ATAT1: variants seen among roughly 807,000 people sequenced by gnomAD.
ATAT1 encodes alpha tubulin acetyltransferase 1.
A neutral mutation model predicts 57.2 loss-of-function variants in ATAT1; 42 were observed. The ratio of observed to expected loss-of-function variants is 0.73; its 90% confidence interval spans 0.57 to 0.95. ATAT1 has a LOEUF of 0.95. ATAT1 is among the 40% of genes least tolerant of loss of function. The pLI is 0.00. For missense variants in ATAT1, 454 were observed against 523.7 expected (o/e 0.87, Z 1.30); for synonymous variants, 168 against 187.1 (o/e 0.90, Z 0.83).
At chr6:30,628,512 A>G in intron 6 of ATAT1, 82 bp downstream of exon 6, 1 of 1,136,716 alleles carries the variant, frequency 8.8e-7, no homozygotes, top group Non-Finnish European at 1.3e-6. Context: ...GTAGTGACTT[A>G]TTTCCTATCA....
In ATAT1 at chr6:30,645,950, G is replaced by A. The variant is rs2127561115; in HGVS notation, c.988G>A (p.Val330Met). Residue 330 changes from valine (V) to methionine (M), a missense_variant, in exon 11 of 13, where the codon GTG becomes ATG. By Grantham distance (21) the Val-to-Met change is conservative. This residue lies in a region of ATAT1 where 216 missense variants were observed against 222.2 expected (regional missense o/e 0.97). Transcript: ENST00000330083. ...CTGCTGCTACAGCCGCCATGGGGGG[G>A]TGAATTCCTCATCCCCCAATACAGG... 4.5e-6 allele frequency: 7 copies of A among 1,542,984 alleles called. No homozygotes were observed. Among genetic ancestry groups the A allele is most frequent in the East Asian group, 2.3e-5 (1 of 43,146 alleles).
intron 8 of ATAT1, chr6:30,641,771 T>C (rs1047560995): frequency 3.9e-6 from 4 of 1,015,660 alleles, no homozygotes; most frequent in Non-Finnish European, 4.7e-6. Context: ...ACCAAGGGCT[T>C]TGTCCATCTC....
intron 6 of ATAT1, among the ~76,000 whole-genome samples, chr6:30,629,153 C>A (rs2127485071): frequency 6.6e-6 from 1 of 152,220 alleles, no homozygotes; most frequent in East Asian, 1.9e-4. Context: ...CCTGCCTCAG[C>A]CTCCCAAAGT....
intron 6 of ATAT1, among the ~76,000 whole-genome samples, chr6:30,636,347 G>A (rs778933729): frequency 4.6e-5 from 7 of 152,122 alleles, no homozygotes; most frequent in Non-Finnish European, 1.0e-4. Context: ...CACTTTGGGA[G>A]GCCAAGGTAG....
intron 6 of ATAT1, among the ~76,000 whole-genome samples, chr6:30,639,688 A>C (rs1383778230): frequency 1.3e-5 from 2 of 151,902 alleles, no homozygotes; most frequent in Non-Finnish European, 2.9e-5. Flanking sequence ...CATGTTAGCC[A>C]GGATGGTCTC....
intron 4 of ATAT1, 23 bp from the exon 5 acceptor site, chr6:30,628,009 C>T: frequency 6.2e-7 from 1 of 1,611,762 alleles, no homozygotes; most frequent in Non-Finnish European, 8.5e-7. Flanking sequence ...GTTCCTAAAA[C>T]ATTTTTATTG....
chr6:30,627,421 T>C (rs1761915034), intron 1 of ATAT1, 39 bp from the exon 2 acceptor site: 3 of 1,605,558 alleles, frequency 1.9e-6, no homozygotes, highest in South Asian at 1.1e-5. Context: ...CCCGCTAATT[T>C]AGTGAGTATC....
chr6:30,642,070 G>C (rs2127545310), intron 8 of ATAT1, 106 bp from the exon 9 acceptor site: 2 of 1,583,240 alleles, frequency 1.3e-6, no homozygotes, highest in South Asian at 1.1e-5. Flanking sequence ...AGGAGGAACT[G>C]TGGTGTCAGG....
Position 30,627,086 on chromosome 6 carries a change from G to A in ATAT1, c.-118G>A, listed in dbSNP as rs1761825404. 7 of 1,555,012 alleles carry A rather than the reference G, an allele frequency of 4.5e-6. No individual in the cohort carries two copies. The South Asian group carries it at 5.9e-5, about 13-fold the overall frequency. On this transcript the variant is annotated 5_prime_UTR_variant, in exon 1 of 13. Transcript: ENST00000330083. The stretch of plus-strand genomic sequence containing the variant: ...GCCCCCTTCTCACTGACTAGTGATC[G>A]CCCCTTTTGATGTCCAGGCCTGCCT...
intron 10 of ATAT1, chr6:30,644,440 G>C: frequency 1.0e-6 from 1 of 985,842 alleles, no homozygotes; most frequent in South Asian, 4.7e-5. Context: ...TCCATAGCAA[G>C]GACGACCTTC....
At position 30,642,236 on chromosome 6, in the gene ATAT1, G is replaced by T. The variant is rs1355640099; in HGVS notation, c.677G>T (p.Ser226Ile). 1.2e-6 allele frequency: 2 copies of T among 1,614,142 alleles called. No individual in the cohort carries two copies. Among genetic ancestry groups the T allele is most frequent in the Admixed American group, 3.3e-5 (2 of 60,008 alleles). Residue 226 changes from serine to isoleucine, a missense_variant, in exon 9 of 13, where the codon AGT (serine) becomes ATT (isoleucine). Coordinates refer to ENST00000330083, the MANE Select transcript of ATAT1 (RefSeq NM_001031722.4). ...GGAGACATCAAGCCATACTCCTCTA[G>T]TGACCGAGAATGTAAGAGGGGCAAG... is the stretch of plus-strand genomic sequence containing the variant.
intron 7 of ATAT1, 21 bp from the exon 8 acceptor site, chr6:30,640,514 C>T (rs369819132): frequency 1.8e-4 from 295 of 1,612,930 alleles, no homozygotes; most frequent in Admixed American, 8.8e-4. Context: ...CTGAGGGGCC[C>T]CGCCGCTTCC....
intron 6 of ATAT1, among the ~76,000 whole-genome samples, chr6:30,630,182 G>A (rs913924041): frequency 2.6e-5 from 4 of 152,032 alleles, no homozygotes; most frequent in Admixed American, 6.5e-5. Flanking sequence ...TTAGCCAGGC[G>A]TGGTGGCACG....
intron 10 of ATAT1, among the ~76,000 whole-genome samples, chr6:30,645,113 A>G (rs540918307): frequency 9.9e-5 from 15 of 152,282 alleles, no homozygotes; most frequent in African/African-American, 3.1e-4. Flanking sequence ...ACCTCCATTG[A>G]GAGTGCAACA....
At chr6:30,629,921 GGTCA>G (rs1762496230) in intron 6 of ATAT1, among the ~76,000 whole-genome samples, 1 of 152,088 alleles carries the variant, frequency 6.6e-6, no homozygotes, top group Non-Finnish European at 1.5e-5. Flanking sequence ...TTACTCATCT[GGTCA>G]GTCAGTATTT....
chr6:30,643,673 G>A, intron 10 of ATAT1: 1 of 1,521,326 alleles, frequency 6.6e-7, no homozygotes, highest in Non-Finnish European at 8.8e-7. Flanking sequence ...GAACCTGACA[G>A]AGCCCATAGG....
At chr6:30,644,354 G>T in intron 10 of ATAT1, 3 of 985,792 alleles carry the variant, frequency 3.0e-6, no homozygotes, top group Non-Finnish European at 3.6e-6. Context: ...GCTAGGTCCC[G>T]ATATACTCCT....
Position 30,646,537 on chromosome 6 carries a change from C to T in ATAT1, c.1124C>T (p.Pro375Leu), listed in dbSNP as rs1237296857. The change falls in exon 13 of 13, where the codon CCA becomes CTA. Residue 375 changes from proline (P) to leucine (L), a missense_variant. This residue lies in a region of ATAT1 where 216 missense variants were observed against 222.2 expected (regional missense o/e 0.97). Coordinates refer to ENST00000330083, the MANE Select transcript of ATAT1 (RefSeq NM_001031722.4). ...GAGAAGCCCATGCACACAGCTCCTC[C>T]ACAGGCCCCGGCCCCGCCAGCCCAG... 2.5e-6 allele frequency: 4 copies of T among 1,590,654 alleles called. No homozygotes were observed. The highest frequency in any genetic ancestry group is 4.6e-5 in the East Asian group (2 of 43,764).
At chr6:30,641,792 A>C in intron 8 of ATAT1, 1 of 1,040,976 alleles carries the variant, frequency 9.6e-7, no homozygotes, top group Non-Finnish European at 1.2e-6. Flanking sequence ...ATCCAGAGGA[A>C]CCCAGGGTCC....
Sources: gnomAD v4.1 joint callset for allele counts (sites outside exome capture counted in the v4.1 genomes callset) on GRCh38, gnomAD v4.1.1 for gene constraint, gnomAD v4.1.1 regional missense constraint, MANE v1.5 for transcripts, NCBI Gene and HGNC (gene_info 2026-07-23, HGNC 2026-07-21) for gene names.